RAB28: variants seen among roughly 807,000 people sequenced by gnomAD.
RAB28 encodes ras-related protein Rab-28.
Under a neutral mutation model 31.7 loss-of-function variants are expected in RAB28, and 24 were observed. That is an observed-to-expected ratio of 0.76 (90% confidence interval 0.55 to 1.06). The LOEUF (loss-of-function observed/expected upper bound fraction) is 1.06. RAB28 is among the 50% of genes least tolerant of loss of function. The pLI is 0.00. For missense variants in RAB28, 254 were observed against 258.5 expected (o/e 0.98, Z 0.12); for synonymous variants, 100 against 90.4 (o/e 1.11, Z -0.60).
intron 4 of RAB28, among the ~76,000 whole-genome samples, chr4:13,448,953 G>C (rs1714834702): frequency 2.0e-5 from 3 of 151,704 alleles, no homozygotes; most frequent in South Asian, 4.1e-4. Context: ...AGAAATATTA[G>C]CTCCATCTGA....
intron 6 of RAB28, among the ~76,000 whole-genome samples, chr4:13,375,970 A>G (rs1413005143): frequency 2.6e-5 from 4 of 152,124 alleles, no homozygotes; most frequent in Admixed American, 2.6e-4. Context: ...ACCACTTCTG[A>G]AGCATAACTT....
chr4:13,371,645 G>A, intron 6 of RAB28: 1 of 1,458,114 alleles, frequency 6.9e-7, no homozygotes, highest in Non-Finnish European at 9.0e-7. Context: ...CATAACCAAG[G>A]CTCTGCAGAT....
chr4:13,447,609 A>AT (rs1241185719), intron 4 of RAB28, among the ~76,000 whole-genome samples: 4 of 152,118 alleles, frequency 2.6e-5, no homozygotes, highest in Non-Finnish European at 4.4e-5. Context: ...AACAATTTAA[A>AT]TTTTTTTTAA....
At chr4:13,402,945 C>T (rs1577178009) in intron 4 of RAB28, among the ~76,000 whole-genome samples, 1 of 152,250 alleles carries the variant, frequency 6.6e-6, no homozygotes, top group Admixed American at 6.5e-5. Flanking sequence ...AGGCACATGC[C>T]ACTGCACCCG....
At chr4:13,419,299 T>C (rs1712978332) in intron 4 of RAB28, among the ~76,000 whole-genome samples, 1 of 152,142 alleles carries the variant, frequency 6.6e-6, no homozygotes, top group African/African-American at 2.4e-5. Flanking sequence ...ACAATAATAA[T>C]GGGAGACTTT....
chr4:13,377,311 A>C (rs1728959689), intron 5 of RAB28, among the ~76,000 whole-genome samples: 1 of 152,240 alleles, frequency 6.6e-6, no homozygotes, highest in Admixed American at 6.5e-5. Context: ...AGTATAACTT[A>C]TCTTTTCTTC....
At chr4:13,428,632 A>G (rs1206354853) in intron 4 of RAB28, among the ~76,000 whole-genome samples, 1 of 152,238 alleles carries the variant, frequency 6.6e-6, no homozygotes, top group Non-Finnish European at 1.5e-5. Context: ...AGGAACAGAA[A>G]GAAAAGAAGT....
intron 5 of RAB28, among the ~76,000 whole-genome samples, chr4:13,380,848 T>C (rs1204286566): frequency 6.6e-6 from 1 of 152,022 alleles, no homozygotes; most frequent in Non-Finnish European, 1.5e-5. Context: ...AGAATAAGAT[T>C]GAATAAATTT....
At chr4:13,372,022 A>G (rs150688225) in intron 6 of RAB28, among the ~76,000 whole-genome samples, 2 of 152,232 alleles carry the variant, frequency 1.3e-5, no homozygotes, top group Non-Finnish European at 2.9e-5. Flanking sequence ...TAAGGAGTAT[A>G]GATGGACTCT....
At position 13,474,428 on chromosome 4, in the gene RAB28, TA is replaced by T. The variant is rs1236308296; in HGVS notation, c.173-23del. 4.2e-6 allele frequency: 6 copies of T among 1,420,240 alleles called. No homozygotes were observed. The East Asian group carries it at 1.4e-4, about 33-fold the overall frequency. The allele number at this position is 1,420,240 out of a possible 1,614,324, so 88.0% of individuals were successfully genotyped here. On this transcript the variant is annotated intron_variant, in intron 2 of 6. Transcript: ENST00000330852. The stretch of plus-strand genomic sequence containing the variant: ...TTTCCTAGAATATAAAAAATGAATA[TA>T]AAAATAAGAATACCAAAAAAATTAA...
At chr4:13,419,399 C>A in intron 4 of RAB28, among the ~76,000 whole-genome samples, 1 of 152,156 alleles carries the variant, frequency 6.6e-6, no homozygotes, top group East Asian at 1.9e-4. Flanking sequence ...ACCAGGCAGA[C>A]CTAATAGATA....
intron 3 of RAB28, 27 bp downstream of exon 3, chr4:13,474,291 C>G: frequency 7.0e-7 from 1 of 1,431,548 alleles, no homozygotes; most frequent in Non-Finnish European, 9.8e-7. Context: ...ACTTTCAATA[C>G]TGGAATAATC....
intron 4 of RAB28, among the ~76,000 whole-genome samples, chr4:13,458,099 T>A (rs557249677): frequency 1.2e-4 from 18 of 152,282 alleles, no homozygotes; most frequent in Non-Finnish European, 2.4e-4. Context: ...GAAAAGCATC[T>A]GATTCACTCA....
chr4:13,417,989 G>A (rs1218890271), intron 4 of RAB28, among the ~76,000 whole-genome samples: 1 of 152,184 alleles, frequency 6.6e-6, no homozygotes, highest in African/African-American at 2.4e-5. Context: ...TCGCAAGGAA[G>A]CTAAACACCT....
At chr4:13,414,096 C>A (rs570530597) in intron 4 of RAB28, among the ~76,000 whole-genome samples, 1 of 152,300 alleles carries the variant, frequency 6.6e-6, no homozygotes, top group East Asian at 1.9e-4. Context: ...CTCCAAATGA[C>A]AAGCCACGCA....
intron 3 of RAB28, among the ~76,000 whole-genome samples, chr4:13,471,425 T>A (rs1408271177): frequency 6.6e-6 from 1 of 152,118 alleles, no homozygotes; most frequent in Non-Finnish European, 1.5e-5. Context: ...AGACCACTGG[T>A]CAATGTACTT....
chr4:13,375,269 C>A (rs949507529), intron 6 of RAB28, among the ~76,000 whole-genome samples: 1 of 152,118 alleles, frequency 6.6e-6, no homozygotes, highest in Non-Finnish European at 1.5e-5. Context: ...ATGAGGATAA[C>A]TGAGATAACA....
chr4:13,433,505 C>T (rs1713931181), intron 4 of RAB28, among the ~76,000 whole-genome samples: 1 of 152,090 alleles, frequency 6.6e-6, no homozygotes, highest in East Asian at 1.9e-4. Flanking sequence ...AGGCAAAGCA[C>T]ATGAACAGAC....
At chr4:13,456,427 A>G (rs552142963) in intron 4 of RAB28, among the ~76,000 whole-genome samples, 10 of 152,350 alleles carry the variant, frequency 6.6e-5, no homozygotes, top group East Asian at 5.8e-4. Context: ...TTACTATGCA[A>G]AAGACCACAA....
Sources: gnomAD v4.1 joint callset for allele counts (sites outside exome capture counted in the v4.1 genomes callset) on GRCh38, gnomAD v4.1.1 for gene constraint, MANE v1.5 for transcripts, NCBI Gene and HGNC (gene_info 2026-07-23, HGNC 2026-07-21) for gene names.